FHL5: variants seen among roughly 807,000 people sequenced by gnomAD.
FHL5 encodes four and a half LIM domains protein 5.
Under a neutral mutation model 32.0 loss-of-function variants are expected in FHL5, and 33 were observed. That is an observed-to-expected ratio of 1.03 (90% CI 0.78 to 1.38). The LOEUF (loss-of-function observed/expected upper bound fraction) is 1.38. FHL5 is among the 40% of genes most tolerant of loss of function. FHL5 has a pLI of 0.00. For missense variants in FHL5, 336 were observed against 343.9 expected, an observed-to-expected ratio of 0.98 and a Z score of 0.18; for synonymous variants, 114 against 113.6, an observed-to-expected ratio of 1.00 and a Z score of -0.02.
intron 1 of FHL5, among the ~76,000 whole-genome samples, chr6:96,591,432 C>T (rs535308562): frequency 6.6e-6 from 1 of 152,158 alleles, no homozygotes; most frequent in East Asian, 1.9e-4. Context: ...CTTTTCCGCA[C>T]CTGTGATCTC....
intron 1 of FHL5, among the ~76,000 whole-genome samples, chr6:96,586,998 C>T (rs9400124): frequency 0.11 from 15,984 of 152,158 alleles, 961 homozygotes; most frequent in East Asian, 0.25. Context: ...AAAGGAATGG[C>T]CTCCAAGAGA....
In FHL5 at chr6:96,609,000, C is replaced by T. The variant is rs1268591978; in HGVS notation, c.505-1572C>T. On this transcript the variant is annotated intron_variant, in intron 4 of 5. Transcript: ENST00000450218. ...AAAGGAATCATGAATTCTGCTGTGT[C>T]TGCTGTAAGGCATTGGAAGTCAGTA... Among the ~76,000 whole-genome samples the T allele has an allele frequency of 2.0e-5, 3 of 152,168 alleles. No individual in the cohort carries two copies. In the East Asian group the frequency reaches 5.8e-4, roughly 29 times the overall value.
intron 5 of FHL5, among the ~76,000 whole-genome samples, chr6:96,611,273 C>G (rs1332333662): frequency 6.6e-6 from 1 of 152,050 alleles, no homozygotes; most frequent in Non-Finnish European, 1.5e-5. Context: ...TTTTAAGATG[C>G]TTCTAACAAA....
chr6:96,592,481 A>G (rs905565732), intron 1 of FHL5, among the ~76,000 whole-genome samples: 1 of 152,124 alleles, frequency 6.6e-6, no homozygotes, highest in Non-Finnish European at 1.5e-5. Context: ...TCAAACACAC[A>G]TGCTCTACAA....
intron 1 of FHL5, among the ~76,000 whole-genome samples, chr6:96,591,086 A>T (rs1657893360): frequency 6.6e-6 from 1 of 152,114 alleles, no homozygotes; most frequent in African/African-American, 2.4e-5. Flanking sequence ...AGTGTTAATG[A>T]GTTCAAAATT....
chr6:96,603,458 G>T, intron 1 of FHL5, 144 bp from the exon 2 acceptor site: 1 of 595,994 alleles, frequency 1.7e-6, no homozygotes. Context: ...ATGACTATAA[G>T]CATACTTTCC....
At position 96,573,707 on chromosome 6, in the gene FHL5, G is replaced by C. The variant is rs565821380; in HGVS notation, c.-13+10352G>C. Among the ~76,000 whole-genome samples the C allele has an allele frequency of 1.1e-4, 16 of 151,576 alleles. No individual in the cohort carries two copies. In the East Asian group the frequency reaches 1.6e-3, roughly 15 times the overall value. The stretch of plus-strand genomic sequence containing the variant: ...CAGCTAACTTTTTGTATTTTTAGTA[G>C]AGACGGGGTTTCACCATGTTAGCCA... On this transcript the variant is annotated intron_variant, in intron 1 of 5. Transcript: ENST00000450218.
At chr6:96,606,764 T>A (rs1019417603) in intron 4 of FHL5, among the ~76,000 whole-genome samples, 4 of 152,230 alleles carry the variant, frequency 2.6e-5, no homozygotes, top group African/African-American at 9.6e-5. Flanking sequence ...ATTAACTGTT[T>A]CAGAGAAATA....
chr6:96,562,681 A>G (rs992167272), upstream of FHL5: 1 of 152,184 alleles, frequency 6.6e-6, no homozygotes, highest in Non-Finnish European at 1.5e-5. Flanking sequence ...AGAGGCCACA[A>G]TCCAGGGGGC....
Position 96,603,782 on chromosome 6 carries a change from A to G in FHL5, c.159+10A>G, listed in dbSNP as rs1245591612. On this transcript the variant is annotated intron_variant, in intron 2 of 5. Transcript: ENST00000450218. ...TGAATCTGATTCTAAGGTAAGTCTC[A>G]CCTCAATTTACAGAATTACTGCCTA... 6.3e-7 allele frequency: 1 copy of G among 1,599,538 alleles called. No homozygotes were observed. The highest frequency in any genetic ancestry group is 1.1e-5 in the South Asian group (1 of 89,030).
chr6:96,591,735 A>T (rs1211647337), intron 1 of FHL5, among the ~76,000 whole-genome samples: 1 of 152,050 alleles, frequency 6.6e-6, no homozygotes, highest in East Asian at 1.9e-4. Context: ...TCGGGGGGAA[A>T]TTCACCCCCG....
intron 1 of FHL5, among the ~76,000 whole-genome samples, chr6:96,600,154 T>A (rs894596417): frequency 2.0e-5 from 3 of 152,166 alleles, no homozygotes; most frequent in Non-Finnish European, 2.9e-5. Flanking sequence ...ATTGGAAAAA[T>A]TCATACTCTT....
rs113341398 is a variant in FHL5 at position 96,613,933 on chromosome 6, T to C, written c.692-1676T>C. On this transcript the variant is annotated intron_variant, in intron 5 of 5. Coordinates refer to ENST00000450218, the MANE Select transcript of FHL5 (RefSeq NM_001322466.2). ...GGCACACAGTCAAGCACTCAACAAA[T>C]GCCAGCTCTTATTCTACTGACTTGT... 2.4e-3 allele frequency among the ~76,000 whole-genome samples: 358 copies of C among 152,310 alleles called. 2 individuals carry two copies. The highest frequency in any genetic ancestry group is 5.8e-3 in the African/African-American group (242 of 41,554).
intron 5 of FHL5, among the ~76,000 whole-genome samples, chr6:96,614,153 G>A (rs1404766325): frequency 7.2e-5 from 11 of 152,126 alleles, no homozygotes; most frequent in South Asian, 6.2e-4. Flanking sequence ...GTAAAATTCC[G>A]GAAGAATTGC....
chr6:96,607,416 C>A (rs1225336589), intron 4 of FHL5, among the ~76,000 whole-genome samples: 12 of 150,648 alleles, frequency 8.0e-5, no homozygotes, highest in Non-Finnish European at 1.3e-4. Context: ...TACACACACA[C>A]ACACACACAC....
At chr6:96,584,872 G>A (rs1426796735) in intron 1 of FHL5, among the ~76,000 whole-genome samples, 4 of 152,134 alleles carry the variant, frequency 2.6e-5, no homozygotes, top group Non-Finnish European at 5.9e-5. Context: ...GAATTAATAG[G>A]ATGTGGTAAC....
At chr6:96,613,643 A>C (rs1261812312) in intron 5 of FHL5, among the ~76,000 whole-genome samples, 2 of 152,226 alleles carry the variant, frequency 1.3e-5, no homozygotes, top group African/African-American at 2.4e-5. Flanking sequence ...AGTGATGCTG[A>C]TGTTCCTGAT....
At chr6:96,589,785 A>G (rs189364017) in intron 1 of FHL5, among the ~76,000 whole-genome samples, 139 of 152,148 alleles carry the variant, frequency 9.1e-4, no homozygotes, top group African/African-American at 3.2e-3. Context: ...ATATTCTCAA[A>G]GGATTATTGC....
intron 2 of FHL5, among the ~76,000 whole-genome samples, chr6:96,604,399 C>T (rs1272236449): frequency 6.6e-6 from 1 of 151,258 alleles, no homozygotes; most frequent in African/African-American, 2.4e-5. Context: ...TGTTTAGTTA[C>T]ATCTCAAAGA....
Sources: allele counts gnomAD v4.1 joint callset (sites outside exome capture counted in the v4.1 genomes callset), GRCh38; gene constraint gnomAD v4.1.1; transcripts MANE v1.5; gene names NCBI Gene and HGNC (gene_info 2026-07-23, HGNC 2026-07-21).